The following SLC9A9 variants were observed in gnomAD, a reference collection of about 807,000 sequenced individuals.
SLC9A9 encodes solute carrier family 9 member A9, also known as sodium/hydrogen exchanger 9.
Under a neutral mutation model 77.8 loss-of-function variants are expected in SLC9A9, and 62 were observed. That is an observed-to-expected ratio of 0.80 (90% confidence interval 0.65 to 0.98). The LOEUF (loss-of-function observed/expected upper bound fraction) is 0.98, where lower values mean the gene tolerates loss of function less well. Ranked by LOEUF, SLC9A9 falls within the 50% of genes least tolerant of loss-of-function variation. SLC9A9 has a pLI of 0.00. For missense variants in SLC9A9, 775 were observed against 774.9 expected, an observed-to-expected ratio of 1.00 and a Z score of 0.00; for synonymous variants, 320 against 283.5, an observed-to-expected ratio of 1.13 and a Z score of -1.29.
intron 4 of SLC9A9, among the ~76,000 whole-genome samples, chr3:143,788,730 T>C (rs1254422372): frequency 2.0e-5 from 3 of 148,382 alleles, no homozygotes; most frequent in Non-Finnish European, 4.5e-5. Flanking sequence ...TGATGATGTA[T>C]ACTTCATACA....
intron 2 of SLC9A9, among the ~76,000 whole-genome samples, chr3:143,800,163 T>G (rs2008512495): frequency 6.6e-6 from 1 of 152,146 alleles, no homozygotes; most frequent in South Asian, 2.1e-4. Context: ...CCTTGTATCT[T>G]CCTACCTTAA....
chr3:143,713,477 A>G (rs1934250385), intron 4 of SLC9A9, among the ~76,000 whole-genome samples: 1 of 152,204 alleles, frequency 6.6e-6, no homozygotes. Context: ...GATTTAATCT[A>G]TGTTGCTCTA....
intron 12 of SLC9A9, among the ~76,000 whole-genome samples, chr3:143,447,997 A>T (rs996399448): frequency 6.6e-6 from 1 of 152,142 alleles, no homozygotes; most frequent in Non-Finnish European, 1.5e-5. Flanking sequence ...AATGTGAATG[A>T]ATGAAGGAAA....
In SLC9A9 at chr3:143,550,955, A is replaced by C. The variant is rs563393849; in HGVS notation, c.1089+1407T>G. Among the ~76,000 whole-genome samples the C allele has an allele frequency of 2.0e-5, 3 of 152,350 alleles. 1 individual carries two copies. The South Asian group carries it at 6.2e-4, about 32-fold the overall frequency. ...TTCATATGTTGAAGTCCTAAACCCC[A>C]GTAGCTCAAAATGTGACTTTACTTG... is the stretch of plus-strand genomic sequence containing the variant. On this transcript the variant is annotated intron_variant, in intron 9 of 15. Coordinates refer to ENST00000316549, the MANE Select transcript of SLC9A9 (RefSeq NM_173653.4).
chr3:143,657,485 G>A (rs1313093193), intron 5 of SLC9A9, among the ~76,000 whole-genome samples: 1 of 152,180 alleles, frequency 6.6e-6, no homozygotes, highest in Non-Finnish European at 1.5e-5. Context: ...GGGACCCCTG[G>A]AGGTTCCTGG....
chr3:143,704,961 C>T (rs908866814), intron 4 of SLC9A9, among the ~76,000 whole-genome samples: 1 of 134,796 alleles, frequency 7.4e-6, no homozygotes, highest in African/African-American at 2.7e-5. Flanking sequence ...CATTGCACTC[C>T]AGCCTGGGCA....
At chr3:143,517,579 A>T in intron 9 of SLC9A9, 1 of 1,597,604 alleles carries the variant, frequency 6.3e-7, no homozygotes, top group South Asian at 1.1e-5. Context: ...GCATTGCACT[A>T]GCATCTTCAT....
intron 13 of SLC9A9, among the ~76,000 whole-genome samples, chr3:143,380,355 T>G (rs1396451247): frequency 6.6e-6 from 1 of 152,124 alleles, no homozygotes; most frequent in Non-Finnish European, 1.5e-5. Context: ...GATTGTAGAA[T>G]ATTAGGCAGT....
intron 13 of SLC9A9, among the ~76,000 whole-genome samples, chr3:143,364,556 T>C (rs2032846262): frequency 6.6e-6 from 1 of 152,166 alleles, no homozygotes; most frequent in Admixed American, 6.5e-5. Context: ...GATGAGCTCA[T>C]ATTGATTTGC....
chr3:143,710,325 T>A (rs962044216), intron 4 of SLC9A9, among the ~76,000 whole-genome samples: 1 of 152,224 alleles, frequency 6.6e-6, no homozygotes, highest in African/African-American at 2.4e-5. Context: ...CACACGCAGC[T>A]ATCAGCCATG....
intron 14 of SLC9A9, among the ~76,000 whole-genome samples, chr3:143,271,280 C>CTGAACAGTATCACTT (rs750804059): frequency 6.6e-6 from 1 of 152,156 alleles, no homozygotes; most frequent in Non-Finnish European, 1.5e-5. Flanking sequence ...GAGGACTAAA[C>CTGAACAGTATCACTT]TGAACAGTAT....
At chr3:143,474,701 A>G (rs769706798) in intron 11 of SLC9A9, among the ~76,000 whole-genome samples, 1 of 151,982 alleles carries the variant, frequency 6.6e-6, no homozygotes, top group Non-Finnish European at 1.5e-5. Flanking sequence ...GTGATTAGAT[A>G]TGAGTGTGGA....
At chr3:143,718,990 A>G (rs931638980) in intron 4 of SLC9A9, among the ~76,000 whole-genome samples, 10 of 152,192 alleles carry the variant, frequency 6.6e-5, no homozygotes, top group African/African-American at 2.2e-4. Context: ...CTAGAGGGCT[A>G]TTATGCTTAC....
intron 12 of SLC9A9, among the ~76,000 whole-genome samples, chr3:143,438,406 A>G (rs956940940): frequency 2.0e-5 from 3 of 152,064 alleles, no homozygotes; most frequent in African/African-American, 7.2e-5. Flanking sequence ...GACAGGTTCC[A>G]TCAAGGATCT....
chr3:143,754,375 A>C (rs1267100050), intron 4 of SLC9A9, among the ~76,000 whole-genome samples: 1 of 152,190 alleles, frequency 6.6e-6, no homozygotes, highest in Non-Finnish European at 1.5e-5. Flanking sequence ...AGCTCCTGTC[A>C]GTGAATATTT....
chr3:143,590,244 T>C (rs2037624028), intron 6 of SLC9A9, among the ~76,000 whole-genome samples: 1 of 152,228 alleles, frequency 6.6e-6, no homozygotes, highest in East Asian at 1.9e-4. Context: ...AACAATTGTG[T>C]TTCCTTCATA....
At chr3:143,795,683 C>A (rs1171667108) in intron 3 of SLC9A9, among the ~76,000 whole-genome samples, 1 of 152,148 alleles carries the variant, frequency 6.6e-6, no homozygotes, top group Non-Finnish European at 1.5e-5. Flanking sequence ...GAGCCATAAT[C>A]GTACCATTGT....
intron 9 of SLC9A9, among the ~76,000 whole-genome samples, chr3:143,508,737 T>A (rs1352876292): frequency 6.6e-6 from 1 of 152,328 alleles, no homozygotes; most frequent in East Asian, 1.9e-4. Flanking sequence ...TAAACTGATT[T>A]ACTATTTAAC....
chr3:143,464,687 G>A (rs547956369), intron 12 of SLC9A9, among the ~76,000 whole-genome samples: 1 of 152,250 alleles, frequency 6.6e-6, no homozygotes, highest in Non-Finnish European at 1.5e-5. Flanking sequence ...AGCAACAGAG[G>A]CATTTCCTGG....
Sources: allele counts gnomAD v4.1 joint callset (sites outside exome capture counted in the v4.1 genomes callset), GRCh38; gene constraint gnomAD v4.1.1; transcripts MANE v1.5; gene names NCBI Gene and HGNC (gene_info 2026-07-23, HGNC 2026-07-21).